KCTD18: variants seen among roughly 807,000 people sequenced by gnomAD.
KCTD18 encodes potassium channel tetramerization domain containing 18, also known as BTB/POZ domain-containing protein KCTD18.
In KCTD18, 22 loss-of-function variants were observed where a neutral mutation model predicts 30.4. The observed-to-expected ratio is 0.72, with a 90% CI of 0.52 to 1.03. KCTD18 has a LOEUF of 1.03. KCTD18 is among the 50% of genes least tolerant of loss of function. KCTD18 has a pLI of 0.00. For missense variants in KCTD18, 529 were observed against 547.6 expected (o/e 0.97, Z 0.34); for synonymous variants, 186 against 209.0 (o/e 0.89, Z 0.95).
intron 4 of KCTD18, among the ~76,000 whole-genome samples, chr2:200,498,408 T>C (rs560672746): frequency 1.3e-5 from 2 of 152,280 alleles, no homozygotes; most frequent in East Asian, 3.9e-4. Flanking sequence ...AAGTAATAAC[T>C]CTTAAGAATT....
chr2:200,508,714 T>TA (rs1395164890), intron 1 of KCTD18, among the ~76,000 whole-genome samples: 1 of 151,898 alleles, frequency 6.6e-6, no homozygotes, highest in Non-Finnish European at 1.5e-5. Context: ...CAGAAACCAT[T>TA]ATGGGCCAAA....
In KCTD18 at chr2:200,490,615, G is replaced by A. The variant is rs374611164; in HGVS notation, c.766C>T (p.Arg256Ter). ...TCCGCTTCATTGAACGTTATCAGTC[G>A]CCTAGAAATACAGAAGCGTGTCATT... ...LRHMAPIRKR[R>*]LITFNEADES... The change falls in exon 7 of 7, where the codon CGA (arginine) becomes TGA (stop). Residue 256 changes from arginine to a stop codon, truncating the protein, a stop_gained and splice_region_variant. Transcript: ENST00000359878. LOFTEE classifies it low-confidence loss of function (END_TRUNC). The A allele has an allele frequency of 1.1e-5, 17 of 1,579,268 alleles. No individual in the cohort carries two copies. The highest frequency in any genetic ancestry group is 1.7e-5 in the Admixed American group (1 of 57,762).
intron 3 of KCTD18, among the ~76,000 whole-genome samples, chr2:200,501,150 A>G (rs2088078142): frequency 6.6e-6 from 1 of 152,176 alleles, no homozygotes; most frequent in Admixed American, 6.5e-5. Context: ...TGGATTAAAG[A>G]CTTAAACGTT....
At chr2:200,501,950 C>G (rs373204220) in intron 3 of KCTD18, among the ~76,000 whole-genome samples, 1 of 151,214 alleles carries the variant, frequency 6.6e-6, no homozygotes, top group Admixed American at 6.6e-5. Flanking sequence ...TGGAATACTA[C>G]GCAGCCATAA....
intron 5 of KCTD18, among the ~76,000 whole-genome samples, chr2:200,495,577 T>C (rs954738644): frequency 2.0e-5 from 3 of 152,200 alleles, no homozygotes; most frequent in African/African-American, 7.2e-5. Flanking sequence ...CAGGAATGAA[T>C]AAGAGATCTT....
chr2:200,489,843 T>G lies in KCTD18; in HGVS notation c.*257A>C, dbSNP rs2087877311. On this transcript the variant is annotated 3_prime_UTR_variant, in exon 7 of 7. Transcript: ENST00000359878. ...GTCTTGTTGCCTTAATACGAATTAATCATTAAAAAATAAATTGAAAACCAG... is the reference window on the plus strand; with the variant it reads ...GTCTTGTTGCCTTAATACGAATTAAGCATTAAAAAATAAATTGAAAACCAG... The G allele has an allele frequency of 2.2e-6, 1 of 459,840 alleles. No homozygotes were observed. Among genetic ancestry groups the G allele is most frequent in the Non-Finnish European group, 3.8e-6 (1 of 261,576 alleles). The allele number at this position is 459,840 out of a possible 1,614,324, so 28.5% of individuals were successfully genotyped here. A position where few individuals can be genotyped will look rare whatever the true frequency, so the allele number is the denominator to read the frequency against.
chr2:200,497,899 C>T (rs2106279862), intron 4 of KCTD18, 52 bp from the exon 5 acceptor site: 2 of 1,148,458 alleles, frequency 1.7e-6, no homozygotes, highest in South Asian at 1.2e-5. Context: ...TATGGATGTG[C>T]ATATATACAT....
intron 6 of KCTD18, among the ~76,000 whole-genome samples, chr2:200,491,838 G>A (rs866010774): frequency 1.2e-4 from 19 of 152,148 alleles, no homozygotes; most frequent in Admixed American, 3.9e-4. Context: ...CATTAGAGGC[G>A]ATTACAACTT....
rs1224737027 is a variant in KCTD18, at chr2:200,501,561, G to A, written c.373-2477C>T. ...ATGCTCACCATCACTGGCCATCAGA[G>A]AAATGCAAATCAAAACCACCATGAG... On this transcript the variant is annotated intron_variant, in intron 3 of 6. Coordinates refer to ENST00000359878, the MANE Select transcript of KCTD18 (RefSeq NM_152387.4). 4.9e-4 allele frequency among the ~76,000 whole-genome samples: 68 copies of A among 140,150 alleles called. 2 individuals are homozygous for A. The Middle Eastern group carries it at 0.014, about 29-fold the overall frequency. 91.9% of individuals were successfully genotyped at this position (140,150 alleles called of 152,430 possible). A position where few individuals can be genotyped will look rare whatever the true frequency, so the allele number is the denominator to read the frequency against.
rs1328799779 is a variant in KCTD18, at chr2:200,498,923, T to A, written c.534A>T (p.Gly178=). 2 of 1,613,844 alleles carry A rather than the reference T, an allele frequency of 1.2e-6. No homozygotes were observed. Among genetic ancestry groups the A allele is most frequent in the Non-Finnish European group, 1.7e-6 (2 of 1,179,952 alleles). ...DGTDAIEKQL[G]GRIHSKGIFK... The stretch of plus-strand genomic sequence containing the variant: ...AAATGCCTTTGCTGTGAATTCTTCC[T>A]CCCAGCTGCTTTTCAATAGCGTCTG... The change falls in exon 4 of 7, where the codon GGA becomes GGT. Residue 178 remains glycine, a synonymous_variant. Coordinates refer to ENST00000359878, the MANE Select transcript of KCTD18 (RefSeq NM_152387.4).
intron 6 of KCTD18, among the ~76,000 whole-genome samples, chr2:200,491,488 A>G (rs980541401): frequency 5.3e-5 from 8 of 152,190 alleles, no homozygotes; most frequent in African/African-American, 1.9e-4. Context: ...TTAACATATT[A>G]AAGATTATGA....
Position 200,490,280 on chromosome 2 carries a change from G to A in KCTD18, c.1101C>T (p.Ser367=), listed in dbSNP as rs114104780. The A allele has an allele frequency of 8.2e-4, 1,319 of 1,614,214 alleles. No homozygotes were observed. Among genetic ancestry groups the A allele is most frequent in the Non-Finnish European group, 1.0e-3 (1,230 of 1,180,030 alleles). ...CCCGCTGGGGTGTAGGCTTCTTGTCGGAGAGTAGCACCTTAGCTGGAGGTA... is the reference window on the plus strand; with the variant it reads ...CCCGCTGGGGTGTAGGCTTCTTGTCAGAGAGTAGCACCTTAGCTGGAGGTA... ...THLPPAKVLL[S]DKKPTPQRVI... Residue 367 remains serine, a synonymous_variant, in exon 7 of 7, where the codon TCC becomes TCT. Coordinates refer to ENST00000359878, the MANE Select transcript of KCTD18 (RefSeq NM_152387.4).
chr2:200,502,002 T>C (rs1051302251), intron 3 of KCTD18, among the ~76,000 whole-genome samples: 5 of 151,730 alleles, frequency 3.3e-5, no homozygotes, highest in Non-Finnish European at 4.4e-5. Context: ...ATGGATGAAA[T>C]TGGAAATCAT....
Position 200,490,402 on chromosome 2 carries a change from C to T in KCTD18, c.979G>A (p.Ala327Thr). ...ACCAGGGCCGTGGCTCTGGAAGGTG[C>T]AGAGCGCTGAGCTGCCTTTCTGCGG... is the stretch of plus-strand genomic sequence containing the variant. ...GSRRKAAQRS[A>T]PSRATALVGT... Residue 327 changes from alanine (A) to threonine (T), a missense_variant, in exon 7 of 7, where the codon GCA (alanine) becomes ACA (threonine). Coordinates refer to ENST00000359878, the MANE Select transcript of KCTD18 (RefSeq NM_152387.4). The T allele has an allele frequency of 6.2e-7, 1 of 1,614,200 alleles. No homozygotes were observed. Among genetic ancestry groups the T allele is most frequent in the Non-Finnish European group, 8.5e-7 (1 of 1,180,026 alleles).
intron 2 of KCTD18, 129 bp downstream of exon 2, chr2:200,506,728 T>C (rs2030219586): frequency 2.7e-6 from 2 of 733,150 alleles, no homozygotes; most frequent in Middle Eastern, 3.8e-4. Flanking sequence ...TGAATCTCCA[T>C]AGAGTCCTAA....
intron 5 of KCTD18, among the ~76,000 whole-genome samples, chr2:200,495,407 C>T (rs1413942498): frequency 6.6e-6 from 1 of 152,086 alleles, no homozygotes; most frequent in African/African-American, 2.4e-5. Flanking sequence ...TGCCAGAGAA[C>T]ATTTCTGTTC....
At chr2:200,497,640 T>C in intron 5 of KCTD18, 113 bp downstream of exon 5, 2 of 768,582 alleles carry the variant, frequency 2.6e-6, no homozygotes, top group Admixed American at 3.9e-5. Flanking sequence ...GACAAATACA[T>C]TGTAAGACTC....
rs1559186324 is a variant in KCTD18 at position 200,504,768 on chromosome 2, A to C, written c.352T>G (p.Ser118Ala). Residue 118 changes from serine to alanine, a missense_variant, in exon 3 of 7, where the codon TCA becomes GCA. Coordinates refer to ENST00000359878, the MANE Select transcript of KCTD18 (RefSeq NM_152387.4). ...ANEMETYSLR[S>A]NIELKKALTD... ...AAGACCTTTTTAAGTTCTATATTTG[A>C]CCTTAAAGAATATGTCTCCATTTCA... The C allele has an allele frequency of 6.2e-7, 1 of 1,613,854 alleles. No homozygotes were observed. The highest frequency in any genetic ancestry group is 8.5e-7 in the Non-Finnish European group (1 of 1,179,816).
At chr2:200,505,848 T>C (rs1317363166) in intron 2 of KCTD18, among the ~76,000 whole-genome samples, 3 of 149,240 alleles carry the variant, frequency 2.0e-5, no homozygotes, top group East Asian at 1.9e-4. Flanking sequence ...TTTTCTTAGA[T>C]AATTTAGCAG....
Sources: gnomAD v4.1 joint callset for allele counts (sites outside exome capture counted in the v4.1 genomes callset) on GRCh38, gnomAD v4.1.1 for gene constraint, MANE v1.5 for transcripts, NCBI Gene and HGNC (gene_info 2026-07-23, HGNC 2026-07-21) for gene names.